The following RPGRIP1 variants were observed in gnomAD, a reference collection of about 807,000 sequenced individuals.
The protein encoded by RPGRIP1 is RPGR interacting protein 1.
A neutral mutation model predicts 157.9 loss-of-function variants in RPGRIP1; 128 were observed. The observed-to-expected ratio is 0.81, with a 90% confidence interval of 0.70 to 0.94. The LOEUF (loss-of-function observed/expected upper bound fraction) is 0.94. Among genes scored for constraint, RPGRIP1 ranks in the 40% least tolerant of loss-of-function variants. The pLI, the probability that RPGRIP1 is intolerant of heterozygous loss-of-function variation, is 0.00. For missense variants in RPGRIP1, 1,486 were observed against 1,545.8 expected (o/e 0.96, Z 0.65); for synonymous variants, 554 against 571.6 (o/e 0.97, Z 0.44).
chr14:21,317,721 A>C lies in RPGRIP1; in HGVS notation c.1177A>C (p.Ser393Arg). ...ESMLDSSDSS[S>R]QPHWSNELIA... ...CATGCTGGACAGCAGTGACAGCTCC[A>C]GTCAGCCCCACTGGAGCAACGAGCT... Residue 393 changes from serine to arginine, a missense_variant, in exon 11 of 25, where the codon AGT becomes CGT. Coordinates refer to ENST00000400017, the MANE Select transcript of RPGRIP1 (RefSeq NM_020366.4). The C allele has an allele frequency of 6.3e-7, 1 of 1,587,528 alleles. No homozygotes were observed. The highest frequency in any genetic ancestry group is 2.3e-5 in the East Asian group (1 of 43,684).
intron 23 of RPGRIP1, among the ~76,000 whole-genome samples, 155 bp from the exon 24 acceptor site, chr14:21,348,017 C>G (rs1171427467): frequency 3.3e-5 from 5 of 152,168 alleles, no homozygotes; most frequent in Admixed American, 3.3e-4. Context: ...ATACCAATTC[C>G]TGACTTTTTT....
chr14:21,310,983 C>T lies in RPGRIP1; in HGVS notation c.930+376C>T, dbSNP rs1881517893. On this transcript the variant is annotated intron_variant, in intron 8 of 24. Coordinates refer to ENST00000400017, the MANE Select transcript of RPGRIP1 (RefSeq NM_020366.4). ...CTCAGATGGTCTTAAATATTTGGCC[C>T]TATTCACCACTGTGAGTGGGCTGCA... 5 of 508,076 alleles carry T rather than the reference C, an allele frequency of 9.8e-6. No individual in the cohort carries two copies. The Admixed American group carries it at 1.0e-4, about 10-fold the overall frequency. 31.5% of individuals were successfully genotyped at this position (508,076 alleles called of 1,614,324 possible).
chr14:21,294,052 C>CA (rs370207654), intron 2 of RPGRIP1, among the ~76,000 whole-genome samples: 73,417 of 94,908 alleles, frequency 0.77, 28,900 homozygotes, highest in Middle Eastern at 0.86. Context: ...GACCCTGTCT[C>CA]AAAAAAAAAA....
At chr14:21,280,277 T>C (rs1880079690) in intron 1 of RPGRIP1, among the ~76,000 whole-genome samples, 118 bp downstream of exon 1, 1 of 137,044 alleles carries the variant, frequency 7.3e-6, no homozygotes, top group Admixed American at 7.9e-5. Flanking sequence ...AGAGTCTTAC[T>C]CTGTCGCCCA....
intron 2 of RPGRIP1, 107 bp from the exon 3 acceptor site, chr14:21,294,570 G>T: frequency 8.9e-7 from 1 of 1,123,510 alleles, no homozygotes; most frequent in South Asian, 1.5e-5. Flanking sequence ...ATAAATACTT[G>T]ACTCAAGATA....
At chr14:21,341,861 C>G (rs998019411) in intron 21 of RPGRIP1, among the ~76,000 whole-genome samples, 1 of 151,988 alleles carries the variant, frequency 6.6e-6, no homozygotes, top group Non-Finnish European at 1.5e-5. Context: ...CGAGACCATC[C>G]TGGCTAACTA....
chr14:21,320,220 T>G, intron 12 of RPGRIP1, 43 bp downstream of exon 12: 1 of 1,537,706 alleles, frequency 6.5e-7, no homozygotes, highest in Non-Finnish European at 8.9e-7. Context: ...TGCAGAGAGA[T>G]CTCTGGCAAA....
At chr14:21,340,034 C>A (rs1215347696) in intron 21 of RPGRIP1, among the ~76,000 whole-genome samples, 1 of 151,974 alleles carries the variant, frequency 6.6e-6, no homozygotes, top group Non-Finnish European at 1.5e-5. Flanking sequence ...GAGGAGGGGA[C>A]GTTTGAACTG....
Position 21,343,471 on chromosome 14 carries a change from G to T in RPGRIP1, c.3532+243G>T, listed in dbSNP as rs10438064. 6.0e-3 allele frequency among the ~76,000 whole-genome samples: 906 copies of T among 152,002 alleles called. 12 individuals carry two copies. Among genetic ancestry groups the T allele is most frequent in the African/African-American group, 0.021 (873 of 41,424 alleles). ...CTGTTCCCACCCTTCCTCAATCCAC[G>T]GCTTCCCACATTTCAGCTATATTTA... is the stretch of plus-strand genomic sequence containing the variant. On this transcript the variant is annotated intron_variant, in intron 22 of 24. Coordinates refer to ENST00000400017, the MANE Select transcript of RPGRIP1 (RefSeq NM_020366.4).
rs751645929 is a variant in RPGRIP1, at chr14:21,321,414, G to C, written c.1611+12G>C. 4 of 1,607,156 alleles carry C rather than the reference G, an allele frequency of 2.5e-6. No individual in the cohort carries two copies. The highest frequency in any genetic ancestry group is 3.4e-6 in the Non-Finnish European group (4 of 1,176,876). ...ACGTGTGTTATCAGGTGCAAGGAAAGATGGTACAGGAAGGGGATGGATAAC... is the reference window on the plus strand; with the variant it reads ...ACGTGTGTTATCAGGTGCAAGGAAACATGGTACAGGAAGGGGATGGATAAC... On this transcript the variant is annotated intron_variant, in intron 13 of 24. Coordinates refer to ENST00000400017, the MANE Select transcript of RPGRIP1 (RefSeq NM_020366.4).
At chr14:21,326,936 G>T (rs187523704) in intron 17 of RPGRIP1, among the ~76,000 whole-genome samples, 1 of 152,008 alleles carries the variant, frequency 6.6e-6, no homozygotes, top group East Asian at 1.9e-4. Context: ...TTATACCTAG[G>T]ATTGTGGGGG....
chr14:21,285,283 A>C (rs1305859454), intron 1 of RPGRIP1, among the ~76,000 whole-genome samples: 7 of 151,942 alleles, frequency 4.6e-5, no homozygotes, highest in Admixed American at 4.6e-4. Flanking sequence ...TTGAGAGACC[A>C]AAGGATCAGA....
chr14:21,284,665 C>G (rs117551323), intron 1 of RPGRIP1, among the ~76,000 whole-genome samples: 2 of 150,950 alleles, frequency 1.3e-5, no homozygotes, highest in Non-Finnish European at 2.9e-5. Flanking sequence ...CTGCTTTAGA[C>G]TCCTGAGTAA....
chr14:21,290,263 TGG>T (rs1201026772), intron 2 of RPGRIP1, among the ~76,000 whole-genome samples: 1 of 152,236 alleles, frequency 6.6e-6, no homozygotes, highest in African/African-American at 2.4e-5. Context: ...TCCAAAGCAG[TGG>T]CACCATTTTA....
intron 1 of RPGRIP1, among the ~76,000 whole-genome samples, chr14:21,285,134 G>A (rs915871032): frequency 6.6e-6 from 1 of 151,934 alleles, no homozygotes; most frequent in African/African-American, 2.4e-5. Flanking sequence ...AATAAATGAA[G>A]GTAGTTTCTG....
intron 5 of RPGRIP1, chr14:21,302,801 A>C: frequency 3.0e-6 from 1 of 330,040 alleles, no homozygotes. Flanking sequence ...TCCATTTCTC[A>C]GTTGAAGGTA....
At chr14:21,314,576 A>G (rs1881688793) in intron 10 of RPGRIP1, among the ~76,000 whole-genome samples, 1 of 149,440 alleles carries the variant, frequency 6.7e-6, no homozygotes, top group East Asian at 2.0e-4. Flanking sequence ...ACATGATGAA[A>G]CCCCTTCTCC....
chr14:21,340,958 T>G (rs1235417101), intron 21 of RPGRIP1, among the ~76,000 whole-genome samples: 4 of 152,166 alleles, frequency 2.6e-5, no homozygotes, highest in African/African-American at 9.7e-5. Context: ...TTCAAAACAC[T>G]GTATAGTCAA....
intron 3 of RPGRIP1, among the ~76,000 whole-genome samples, chr14:21,300,642 C>T (rs941622575): frequency 7.3e-6 from 1 of 136,668 alleles, no homozygotes; most frequent in Non-Finnish European, 1.5e-5. Flanking sequence ...TTTATTAGTA[C>T]AAAAACAAGT....
Sources: allele counts gnomAD v4.1 joint callset (sites outside exome capture counted in the v4.1 genomes callset), GRCh38; gene constraint gnomAD v4.1.1; transcripts MANE v1.5; gene names NCBI Gene and HGNC (gene_info 2026-07-23, HGNC 2026-07-21).